The following XIRP2 variants were observed in gnomAD, a reference collection of about 807,000 sequenced individuals.
XIRP2 encodes xin actin binding repeat containing 2.
Under a neutral mutation model 277.0 loss-of-function variants are expected in XIRP2, and 236 were observed. That is an observed-to-expected ratio of 0.85 (90% CI 0.77 to 0.95). The LOEUF is 0.95. Among genes scored for constraint, XIRP2 ranks in the 40% least tolerant of loss-of-function variants. The pLI is 0.00. For missense variants in XIRP2, 4,640 were observed against 4,157.5 expected (o/e 1.12, Z -3.19); for synonymous variants, 1,490 against 1,416.5 (o/e 1.05, Z -1.17).
At chr2:167,128,117 A>G (rs543976331) in intron 2 of XIRP2, among the ~76,000 whole-genome samples, 1 of 152,226 alleles carries the variant, frequency 6.6e-6, no homozygotes, top group Non-Finnish European at 1.5e-5. Context: ...TCTAGAAATT[A>G]TGCTGGAATT....
intron 3 of XIRP2, among the ~76,000 whole-genome samples, chr2:167,136,952 C>T (rs752339680): frequency 5.3e-5 from 8 of 152,270 alleles, no homozygotes; most frequent in South Asian, 4.1e-4. Context: ...GTGCTGTTTG[C>T]GAATCAGCAC....
intron 2 of XIRP2, among the ~76,000 whole-genome samples, chr2:167,118,579 T>C (rs1247517308): frequency 7.9e-5 from 12 of 152,204 alleles, no homozygotes; most frequent in African/African-American, 2.9e-4. Context: ...TTGCGCCTTT[T>C]ACCGTTCGAG....
intron 3 of XIRP2, 72 bp from the exon 4 acceptor site, chr2:167,210,663 C>T: frequency 6.4e-7 from 1 of 1,550,486 alleles, no homozygotes; most frequent in African/African-American, 1.4e-5. Flanking sequence ...AATGCTTCAC[C>T]ATTTATAAGG....
chr2:167,160,085 A>T (rs548844979), intron 3 of XIRP2, among the ~76,000 whole-genome samples: 2 of 152,296 alleles, frequency 1.3e-5, no homozygotes, highest in East Asian at 3.9e-4. Context: ...AAAAAATAAG[A>T]TATTGAAAAT....
chr2:167,074,997 C>G (rs1265103376), intron 2 of XIRP2, among the ~76,000 whole-genome samples: 2 of 152,080 alleles, frequency 1.3e-5, no homozygotes, highest in African/African-American at 2.4e-5. Context: ...TAAAGAGGCT[C>G]AAAATCATCA....
chr2:166,938,414 T>C (rs531954201), intron 2 of XIRP2, among the ~76,000 whole-genome samples: 9 of 152,320 alleles, frequency 5.9e-5, no homozygotes, highest in African/African-American at 2.2e-4. Context: ...TTTGAGTGAG[T>C]TTCTTAATCC....
At chr2:167,238,957 A>G (rs375591128) in intron 5 of XIRP2, among the ~76,000 whole-genome samples, 1 of 152,210 alleles carries the variant, frequency 6.6e-6, no homozygotes, top group African/African-American at 2.4e-5. Flanking sequence ...ACCAAAATTA[A>G]TAGGAGCTCC....
Position 167,108,039 on chromosome 2 carries a change from G to A in XIRP2, c.409-27870G>A, listed in dbSNP as rs951134194. 6.6e-5 allele frequency among the ~76,000 whole-genome samples: 10 copies of A among 151,592 alleles called. No homozygotes were observed. In the East Asian group the frequency reaches 1.9e-3, roughly 29 times the overall value. On this transcript the variant is annotated intron_variant, in intron 2 of 10. Transcript: ENST00000409195. ...TAAATGTGATTTTCTTAATACTTAT[G>A]GAGTTATACAAACTATTTCATATTG...
At chr2:167,045,846 A>G (rs147088300) in intron 2 of XIRP2, among the ~76,000 whole-genome samples, 29 of 152,138 alleles carry the variant, frequency 1.9e-4, no homozygotes, top group African/African-American at 6.5e-4. Context: ...AGAACTTTAA[A>G]CAGAATTATC....
chr2:167,127,560 A>G (rs1395908267), intron 2 of XIRP2, among the ~76,000 whole-genome samples: 6 of 152,136 alleles, frequency 3.9e-5, no homozygotes, highest in Non-Finnish European at 8.8e-5. Flanking sequence ...CTGATTCTGC[A>G]TGTTCTAATT....
At chr2:167,139,696 A>G (rs1205555453) in intron 3 of XIRP2, among the ~76,000 whole-genome samples, 1 of 152,180 alleles carries the variant, frequency 6.6e-6, no homozygotes, top group Non-Finnish European at 1.5e-5. Context: ...TCATTTACAT[A>G]TCTTATTTTT....
chr2:167,081,275 G>C (rs1689724937), intron 2 of XIRP2, among the ~76,000 whole-genome samples: 2 of 152,044 alleles, frequency 1.3e-5, no homozygotes, highest in Non-Finnish European at 2.9e-5. Flanking sequence ...AGACCAGCCT[G>C]GGCAACACAG....
At position 167,250,425 on chromosome 2, in the gene XIRP2, AAT is replaced by A. The variant is rs750984893; in HGVS notation, c.9035_9036del (p.Ile3012AsnfsTer4). ...ATAATTTAGAAAAAGTAAAAGAAGA[AAT>A]AACACATATTAAAACTCAAGCGGAA... ...ENNLEKVKEE[I>X]THIKTQAEDM... On this transcript the variant is annotated frameshift_variant, in exon 9 of 11. Coordinates refer to ENST00000409195, the MANE Select transcript of XIRP2 (RefSeq NM_152381.6). LOFTEE classifies it high-confidence loss of function. 8.1e-6 allele frequency: 13 copies of A among 1,613,354 alleles called. No individual in the cohort carries two copies. Among genetic ancestry groups the A allele is most frequent in the Non-Finnish European group, 1.1e-5 (13 of 1,179,668 alleles).
chr2:167,238,292 A>G (rs2105426667), intron 5 of XIRP2, among the ~76,000 whole-genome samples: 1 of 152,192 alleles, frequency 6.6e-6, no homozygotes, highest in Non-Finnish European at 1.5e-5. Flanking sequence ...TTCTGCTTGG[A>G]AAAAAAATTA....
intron 2 of XIRP2, among the ~76,000 whole-genome samples, chr2:166,998,946 A>C (rs984166423): frequency 6.6e-6 from 1 of 152,186 alleles, no homozygotes; most frequent in Non-Finnish European, 1.5e-5. Flanking sequence ...AACAACTGAA[A>C]ACTTAAAATA....
chr2:167,082,971 T>G (rs545467368), intron 2 of XIRP2, among the ~76,000 whole-genome samples: 2 of 152,300 alleles, frequency 1.3e-5, no homozygotes, highest in East Asian at 1.9e-4. Flanking sequence ...GTCAATTTTG[T>G]CATTTGTTGC....
intron 3 of XIRP2, among the ~76,000 whole-genome samples, chr2:167,162,080 A>T (rs1573924901): frequency 6.6e-6 from 1 of 152,182 alleles, no homozygotes; most frequent in Non-Finnish European, 1.5e-5. Flanking sequence ...CAAGTTTCTC[A>T]TCTACATCTG....
intron 3 of XIRP2, among the ~76,000 whole-genome samples, chr2:167,137,458 C>T (rs952958197): frequency 6.6e-6 from 1 of 152,156 alleles, no homozygotes; most frequent in East Asian, 1.9e-4. Flanking sequence ...GATTTATATT[C>T]TGATGATGCT....
chr2:167,089,284 T>C (rs1457631786), intron 2 of XIRP2, among the ~76,000 whole-genome samples: 1 of 152,164 alleles, frequency 6.6e-6, no homozygotes, highest in East Asian at 1.9e-4. Flanking sequence ...AGAGATTTTT[T>C]CCGTGTCTCC....
Sources: gnomAD v4.1 joint callset for allele counts (sites outside exome capture counted in the v4.1 genomes callset) on GRCh38, gnomAD v4.1.1 for gene constraint, MANE v1.5 for transcripts, NCBI Gene and HGNC (gene_info 2026-07-23, HGNC 2026-07-21) for gene names.